Variants in DLC1 observed in about 807,000 individuals in gnomAD.
DLC1 encodes DLC1 Rho GTPase activating protein, also known as rho GTPase-activating protein 7.
DLC1 carries 54 observed loss-of-function variants against 140.3 expected under a neutral mutation model. That is an observed-to-expected ratio of 0.38 (90% CI 0.31 to 0.48). The LOEUF (loss-of-function observed/expected upper bound fraction) is 0.48, where lower values mean the gene tolerates loss of function less well. Ranked by LOEUF, DLC1 falls within the 20% of genes least tolerant of loss-of-function variation. The probability of loss-of-function intolerance (pLI) is 0.96; values close to 1 mark genes in which losing one functional copy is unlikely to be tolerated. For synonymous variants in DLC1, 986 were observed against 728.1 expected (o/e 1.35, Z -5.70); for missense variants, 2,536 against 1,907.0 (o/e 1.33, Z -6.14).
chr8:13,452,361 G>T (rs1457426226), intron 2 of DLC1, among the ~76,000 whole-genome samples: 2 of 152,004 alleles, frequency 1.3e-5, no homozygotes, highest in South Asian at 2.1e-4. Context: ...CACAGTGAGA[G>T]TAAAAAAGTA....
intron 5 of DLC1, among the ~76,000 whole-genome samples, chr8:13,245,607 G>A (rs1829731710): frequency 6.6e-6 from 1 of 152,056 alleles, no homozygotes; most frequent in Non-Finnish European, 1.5e-5. Flanking sequence ...CTTTTCTTTA[G>A]GGAAATCCAC....
chr8:13,474,809 C>T (rs994400621), intron 2 of DLC1, among the ~76,000 whole-genome samples: 1 of 152,200 alleles, frequency 6.6e-6, no homozygotes, highest in Non-Finnish European at 1.5e-5. Flanking sequence ...CAATTTCTCC[C>T]ATTTGGAATG....
rs565528569 is a variant in DLC1 at position 13,392,507 on chromosome 8, T to A, written c.1314+1046A>T. Among the ~76,000 whole-genome samples, 9 of 152,284 alleles carry A rather than the reference T, an allele frequency of 5.9e-5. No homozygotes were observed. The South Asian group carries it at 1.0e-3, about 18-fold the overall frequency. ...ATGTTTTAAAATCAGAGTATTATCT[T>A]TTGAGTCCTATTTTAGACTTGACTT... On this transcript the variant is annotated intron_variant, in intron 4 of 17. Coordinates refer to ENST00000276297, the MANE Select transcript of DLC1 (RefSeq NM_182643.3).
At chr8:13,160,823 C>T (rs6992770) in intron 5 of DLC1, among the ~76,000 whole-genome samples, 6 of 152,044 alleles carry the variant, frequency 3.9e-5, no homozygotes, top group African/African-American at 1.4e-4. Flanking sequence ...TGGTGGCTCA[C>T]GCCTGTAATC....
intron 5 of DLC1, among the ~76,000 whole-genome samples, chr8:13,249,877 C>A (rs1173284093): frequency 6.6e-6 from 1 of 152,200 alleles, no homozygotes; most frequent in Non-Finnish European, 1.5e-5. Flanking sequence ...CAGGTTACCA[C>A]TTCCTTCACA....
intron 4 of DLC1, chr8:13,341,015 A>G (rs1384731813): frequency 6.6e-6 from 1 of 152,236 alleles, no homozygotes; most frequent in Admixed American, 6.5e-5. Context: ...GGGGATATTC[A>G]GGGTCAATAT....
rs537635271 is a variant in DLC1, at chr8:13,542,187, A to T, written c.-125-41991T>A. Among the ~76,000 whole-genome samples, 13 of 152,178 alleles carry T rather than the reference A, an allele frequency of 8.5e-5. No individual in the cohort carries two copies. The South Asian group carries it at 2.7e-3, about 32-fold the overall frequency. On this transcript the variant is annotated intron_variant, in intron 1 of 1. Coordinates refer to the DLC1 transcript ENST00000631382. ...GTTTGTTTCCTTTCAGAAGTTGTAT[A>T]CCTTTAGCTCTTATATTTTGGCCTG...
intron 5 of DLC1, among the ~76,000 whole-genome samples, chr8:13,256,952 C>T (rs1830255484): frequency 6.7e-6 from 1 of 148,800 alleles, no homozygotes; most frequent in South Asian, 2.2e-4. Context: ...GTAATTGTAA[C>T]TACCAGTACA....
chr8:13,390,177 C>T (rs1031302454), intron 4 of DLC1, among the ~76,000 whole-genome samples: 2 of 152,134 alleles, frequency 1.3e-5, no homozygotes, highest in South Asian at 4.2e-4. Flanking sequence ...AAAGGGTGTA[C>T]CTAAAAGAAT....
chr8:13,561,792 C>A (rs1488352850), intron 1 of DLC1, among the ~76,000 whole-genome samples: 1 of 152,014 alleles, frequency 6.6e-6, no homozygotes, highest in Non-Finnish European at 1.5e-5. Flanking sequence ...AAATCCAAGA[C>A]AAAGATAAAT....
intron 2 of DLC1, among the ~76,000 whole-genome samples, chr8:13,451,118 C>T (rs1465820970): frequency 1.6e-5 from 2 of 124,882 alleles, no homozygotes; most frequent in Non-Finnish European, 1.7e-5. Flanking sequence ...AAGATAACAA[C>T]GAAATAAAGT....
chr8:13,577,228 A>G (rs1449550311), intron 1 of DLC1, among the ~76,000 whole-genome samples: 5 of 152,176 alleles, frequency 3.3e-5, no homozygotes, highest in African/African-American at 9.6e-5. Context: ...TTTAATTTAT[A>G]TCAATTTGTA....
chr8:13,534,578 C>G (rs1027788879), intron 1 of DLC1, among the ~76,000 whole-genome samples: 4 of 152,142 alleles, frequency 2.6e-5, no homozygotes, highest in African/African-American at 9.7e-5. Context: ...AGAGATATCT[C>G]TTTGCTCTGC....
chr8:13,277,854 T>C (rs1831230669), intron 5 of DLC1, among the ~76,000 whole-genome samples: 1 of 152,190 alleles, frequency 6.6e-6, no homozygotes, highest in South Asian at 2.1e-4. Context: ...CAAATGCTAA[T>C]TATTACCATA....
intron 5 of DLC1, among the ~76,000 whole-genome samples, chr8:13,164,407 C>A (rs1476360662): frequency 2.6e-5 from 4 of 151,962 alleles, no homozygotes; most frequent in Admixed American, 2.0e-4. Context: ...ACAAAAAAAC[C>A]CAAGGTAGTG....
rs368330857 is a variant in DLC1, at chr8:13,497,712, C to T, written c.1023+1337G>A. Among the ~76,000 whole-genome samples, 4 of 152,236 alleles carry T rather than the reference C, an allele frequency of 2.6e-5. No homozygotes were observed. The East Asian group carries it at 5.8e-4, about 22-fold the overall frequency. The stretch of plus-strand genomic sequence containing the variant: ...CAGTTAATACTGTCTTATGTCATTA[C>T]AGCATTCCCTCAAACAGATTTGATA... On this transcript the variant is annotated intron_variant, in intron 2 of 17. Coordinates refer to ENST00000276297, the MANE Select transcript of DLC1 (RefSeq NM_182643.3).
At chr8:13,238,847 G>T (rs1461500427) in intron 5 of DLC1, among the ~76,000 whole-genome samples, 1 of 152,148 alleles carries the variant, frequency 6.6e-6, no homozygotes, top group Non-Finnish European at 1.5e-5. Flanking sequence ...TCCAGGAGGG[G>T]CGTGGGCTTA....
chr8:13,441,530 T>C (rs1055002550), intron 2 of DLC1, among the ~76,000 whole-genome samples: 1 of 152,172 alleles, frequency 6.6e-6, no homozygotes, highest in African/African-American at 2.4e-5. Context: ...ACAAAATCAA[T>C]GTGCAAAAAT....
At chr8:13,408,204 C>T (rs1016176497) in intron 2 of DLC1, among the ~76,000 whole-genome samples, 82 of 152,230 alleles carry the variant, frequency 5.4e-4, no homozygotes, top group Admixed American at 3.7e-3. Context: ...ACTCCAAGTT[C>T]TAGGCATATT....
Sources: allele counts gnomAD v4.1 joint callset (sites outside exome capture counted in the v4.1 genomes callset), GRCh38; gene constraint gnomAD v4.1.1; transcripts MANE v1.5; gene names NCBI Gene and HGNC (gene_info 2026-07-23, HGNC 2026-07-21).